The following ULK4 variants were observed in gnomAD, a reference collection of about 807,000 sequenced individuals.
ULK4 encodes inactive serine/threonine-protein kinase ULK4.
Under a neutral mutation model 160.6 loss-of-function variants are expected in ULK4, and 133 were observed. The observed-to-expected ratio is 0.83, with a 90% CI of 0.72 to 0.96. ULK4 has a LOEUF of 0.96. Ranked by LOEUF, ULK4 falls within the 40% of genes least tolerant of loss-of-function variation. The pLI, the probability that ULK4 is intolerant of heterozygous loss-of-function variation, is 0.00. For missense variants in ULK4, 1,580 were observed against 1,499.5 expected, an observed-to-expected ratio of 1.05 and a Z score of -0.89; for synonymous variants, 534 against 539.8, an observed-to-expected ratio of 0.99 and a Z score of 0.15.
rs188421417 is a variant in ULK4 at position 41,630,421 on chromosome 3, T to C, written c.3072-14704A>G. ...GTAGAGCCACACATATCCCTTACTA[T>C]GTGGCCCTCTCCTTCTCTAAACCAG... On this transcript the variant is annotated intron_variant, in intron 30 of 36. Coordinates refer to ENST00000301831, the MANE Select transcript of ULK4 (RefSeq NM_017886.4). 3.5e-4 allele frequency among the ~76,000 whole-genome samples: 54 copies of C among 152,308 alleles called. No individual in the cohort carries two copies. In the East Asian group the frequency reaches 9.6e-3, roughly 27 times the overall value.
chr3:41,624,670 T>C (rs1189659941), intron 30 of ULK4, among the ~76,000 whole-genome samples: 1 of 152,218 alleles, frequency 6.6e-6, no homozygotes, highest in Non-Finnish European at 1.5e-5. Context: ...AAATTATTCC[T>C]GGGTAAATAA....
intron 35 of ULK4, among the ~76,000 whole-genome samples, chr3:41,375,659 C>A (rs1188378297): frequency 6.7e-6 from 1 of 150,318 alleles, no homozygotes; most frequent in Admixed American, 6.6e-5. Flanking sequence ...AAATGTAAGA[C>A]CTAAACCCAT....
intron 33 of ULK4, among the ~76,000 whole-genome samples, chr3:41,456,145 C>G (rs1446298063): frequency 6.6e-6 from 1 of 152,108 alleles, no homozygotes; most frequent in Non-Finnish European, 1.5e-5. Flanking sequence ...CCTGACCTCA[C>G]GTGATCCACC....
intron 17 of ULK4, among the ~76,000 whole-genome samples, chr3:41,876,833 G>A (rs1575869633): frequency 6.6e-6 from 1 of 152,102 alleles, no homozygotes. Flanking sequence ...TGGAAGTTAC[G>A]GTAACTTCCT....
At chr3:41,890,058 A>G (rs904049034) in intron 16 of ULK4, among the ~76,000 whole-genome samples, 10 of 152,254 alleles carry the variant, frequency 6.6e-5, no homozygotes, top group African/African-American at 2.4e-4. Flanking sequence ...TAGGCAAATC[A>G]GCCAACAGGA....
chr3:41,780,394 AT>A (rs2039797809), intron 21 of ULK4, among the ~76,000 whole-genome samples: 1 of 151,828 alleles, frequency 6.6e-6, no homozygotes, highest in Non-Finnish European at 1.5e-5. Context: ...AATATAAAAG[AT>A]GTTATCTTTT....
intron 31 of ULK4, among the ~76,000 whole-genome samples, chr3:41,570,476 A>C (rs1024072122): frequency 2.0e-5 from 3 of 149,960 alleles, no homozygotes; most frequent in East Asian, 3.9e-4. Flanking sequence ...GATACATAAA[A>C]AACCTTTTCT....
chr3:41,889,523 C>G (rs1378716104), intron 16 of ULK4, among the ~76,000 whole-genome samples: 4 of 151,892 alleles, frequency 2.6e-5, no homozygotes, highest in African/African-American at 4.8e-5. Flanking sequence ...CAACAGACAC[C>G]GGGGCCTATT....
At chr3:41,448,471 G>A (rs73828037) in intron 34 of ULK4, among the ~76,000 whole-genome samples, 1,603 of 152,208 alleles carry the variant, frequency 0.011, 22 homozygotes, top group African/African-American at 0.037. Context: ...CATAAGAAAG[G>A]GTCCAATTAT....
At chr3:41,913,716 A>G (rs1246127862) in intron 8 of ULK4, among the ~76,000 whole-genome samples, 7 of 152,064 alleles carry the variant, frequency 4.6e-5, no homozygotes, top group Non-Finnish European at 8.8e-5. Context: ...TAATCCCAGC[A>G]TTTTGGGAGG....
chr3:41,499,459 T>C (rs2085110193), intron 32 of ULK4, among the ~76,000 whole-genome samples: 1 of 152,176 alleles, frequency 6.6e-6, no homozygotes, highest in South Asian at 2.1e-4. Flanking sequence ...TTCTTTCCTA[T>C]GTGTAGAGTG....
At chr3:41,711,104 G>C (rs2125836573) in intron 25 of ULK4, among the ~76,000 whole-genome samples, 1 of 152,312 alleles carries the variant, frequency 6.6e-6, no homozygotes, top group Non-Finnish European at 1.5e-5. Flanking sequence ...CAAGGCTGAG[G>C]CACTGGAAGG....
At chr3:41,782,896 C>T (rs934118633) in intron 21 of ULK4, among the ~76,000 whole-genome samples, 3 of 152,018 alleles carry the variant, frequency 2.0e-5, no homozygotes, top group African/African-American at 7.2e-5. Context: ...TTTAAATGAT[C>T]GTATATCATA....
At chr3:41,615,616 C>A in intron 31 of ULK4, 53 bp downstream of exon 31, 1 of 1,572,818 alleles carries the variant, frequency 6.4e-7, no homozygotes, top group East Asian at 2.3e-5. Context: ...TGGTTAAAAT[C>A]TTTACAATTT....
intron 34 of ULK4, among the ~76,000 whole-genome samples, chr3:41,428,520 T>C (rs2082829000): frequency 6.6e-6 from 1 of 152,140 alleles, no homozygotes; most frequent in Admixed American, 6.5e-5. Context: ...CTTCAAACTA[T>C]ACTACAAGGC....
intron 21 of ULK4, among the ~76,000 whole-genome samples, chr3:41,772,599 G>T (rs1486173574): frequency 6.6e-6 from 1 of 152,144 alleles, no homozygotes; most frequent in Non-Finnish European, 1.5e-5. Context: ...ACCAAAAAAA[G>T]TCCAGGACCA....
chr3:41,558,974 C>A (rs1391165378), intron 32 of ULK4, among the ~76,000 whole-genome samples: 2 of 133,370 alleles, frequency 1.5e-5, no homozygotes, highest in African/African-American at 5.1e-5. Flanking sequence ...GTGCTGCACC[C>A]ATTAACTCAT....
intron 22 of ULK4, among the ~76,000 whole-genome samples, chr3:41,739,144 C>T (rs1323240318): frequency 5.3e-5 from 8 of 151,892 alleles, no homozygotes; most frequent in Non-Finnish European, 1.0e-4. Flanking sequence ...CAAGCCACTA[C>T]GTTAAGTATG....
rs190615679 is a variant in ULK4, at chr3:41,516,208, A to C, written c.3226+49817T>G. Among the ~76,000 whole-genome samples the C allele has an allele frequency of 7.1e-4, 108 of 152,328 alleles. No individual in the cohort carries two copies. The East Asian group carries it at 0.017, about 24-fold the overall frequency. ...TTCGTTAGTATAGACAACAATTCTG[A>C]GAAAGTGAAATTTTACTAGACAAAT... On this transcript the variant is annotated intron_variant, in intron 32 of 36. Transcript: ENST00000301831.
Sources: allele counts gnomAD v4.1 joint callset (sites outside exome capture counted in the v4.1 genomes callset), GRCh38; gene constraint gnomAD v4.1.1; transcripts MANE v1.5; gene names NCBI Gene and HGNC (gene_info 2026-07-23, HGNC 2026-07-21).